CD200R1: variants seen among roughly 807,000 people sequenced by gnomAD.
The protein encoded by CD200R1 is cell surface glycoprotein CD200 receptor 1.
CD200R1 carries 30 observed loss-of-function variants against 38.1 expected under a neutral mutation model. That is an observed-to-expected ratio of 0.79 (90% CI 0.59 to 1.07). The LOEUF (loss-of-function observed/expected upper bound fraction) is 1.07. CD200R1 is among the 50% of genes least tolerant of loss of function. The probability of loss-of-function intolerance (pLI) is 0.00; values close to 1 mark genes in which losing one functional copy is unlikely to be tolerated. For missense variants in CD200R1, 372 were observed against 415.4 expected (o/e 0.90, Z 0.91); for synonymous variants, 128 against 152.1 (o/e 0.84, Z 1.16).
chr3:112,940,353 C>A (rs1167751446), intron 2 of CD200R1, among the ~76,000 whole-genome samples: 1 of 151,568 alleles, frequency 6.6e-6, no homozygotes, highest in Non-Finnish European at 1.5e-5. Flanking sequence ...TTCTGCACAG[C>A]AAAACAATAA....
At chr3:112,947,003 A>G (rs944335042) in intron 2 of CD200R1, among the ~76,000 whole-genome samples, 1 of 152,138 alleles carries the variant, frequency 6.6e-6, no homozygotes, top group Non-Finnish European at 1.5e-5. Context: ...ACTTAAATGC[A>G]TATTATTAAG....
chr3:112,943,582 G>A (rs887021782), intron 2 of CD200R1, among the ~76,000 whole-genome samples: 1 of 151,442 alleles, frequency 6.6e-6, no homozygotes, highest in Non-Finnish European at 1.5e-5. Context: ...GAAAATAGAA[G>A]AGCAAATTAA....
chr3:112,936,502 G>A lies in CD200R1; in HGVS notation c.137-5331C>T, dbSNP rs147184560. Reference sequence around the variant, plus strand: ...CTTTTTAGTAATCACCATTCTGACTGGTGTGAGATAGTATCTCATTGTAGT... The same window carrying A: ...CTTTTTAGTAATCACCATTCTGACTAGTGTGAGATAGTATCTCATTGTAGT... On this transcript the variant is annotated intron_variant, in intron 2 of 7. Coordinates refer to ENST00000308611, the MANE Select transcript of CD200R1 (RefSeq NM_138806.4). Among the ~76,000 whole-genome samples the A allele has an allele frequency of 9.9e-3, 1,505 of 152,258 alleles. 20 individuals are homozygous for A. The highest frequency in any genetic ancestry group is 0.031 in the South Asian group (149 of 4,824).
chr3:112,972,519 A>C (rs1488529581), intron 1 of CD200R1, among the ~76,000 whole-genome samples: 2 of 151,222 alleles, frequency 1.3e-5, no homozygotes, highest in African/African-American at 2.4e-5. Context: ...TTGAACACAC[A>C]CACAAAAATC....
rs1301533253 is a variant in CD200R1, at chr3:112,925,140, T to C, written c.823A>G (p.Ile275Val). ...AATCCCACGATGGTCAAAATAATAA[T>C]AGTAAGGATGATATATGGAATATAT... ...KLYIPYIILT[I>V]IILTIVGFIW... The change falls in exon 6 of 8, where the codon ATT becomes GTT. Residue 275 changes from isoleucine (I) to valine (V), a missense_variant. Ile to Val is a conservative substitution (Grantham distance 29). Transcript: ENST00000308611. The C allele has an allele frequency of 6.2e-7, 1 of 1,608,100 alleles. No homozygotes were observed. The highest frequency in any genetic ancestry group is 8.5e-7 in the Non-Finnish European group (1 of 1,175,422).
rs570097965 is a variant in CD200R1 at position 112,951,747 on chromosome 3, C to T, written c.68-3823G>A. On this transcript the variant is annotated intron_variant, in intron 1 of 7. Coordinates refer to ENST00000308611, the MANE Select transcript of CD200R1 (RefSeq NM_138806.4). Reference sequence around the variant, plus strand: ...TTACATTTTTCTATACTAGCACAAACAATTGGAAAATGAAATTTTAAAAAT... The same window carrying T: ...TTACATTTTTCTATACTAGCACAAATAATTGGAAAATGAAATTTTAAAAAT... Among the ~76,000 whole-genome samples, 32 of 146,396 alleles carry T rather than the reference C, an allele frequency of 2.2e-4. No individual in the cohort carries two copies. The South Asian group carries it at 6.7e-3, about 31-fold the overall frequency.
At chr3:112,949,667 T>C (rs573930161) in intron 1 of CD200R1, among the ~76,000 whole-genome samples, 21 of 152,218 alleles carry the variant, frequency 1.4e-4, no homozygotes, top group African/African-American at 4.8e-4. Flanking sequence ...CTAAGAAATA[T>C]GCTAGGATAG....
intron 1 of CD200R1, among the ~76,000 whole-genome samples, chr3:112,968,828 G>A (rs1933228134): frequency 6.6e-6 from 1 of 152,180 alleles, no homozygotes. Context: ...TGCTGTCCAA[G>A]GGGTAGAGTT....
At chr3:112,950,081 A>G (rs1483489618) in intron 1 of CD200R1, among the ~76,000 whole-genome samples, 1 of 152,250 alleles carries the variant, frequency 6.6e-6, no homozygotes, top group Non-Finnish European at 1.5e-5. Context: ...AATTAAAAGT[A>G]TTTGGAAATA....
At chr3:112,935,512 GT>G (rs1226131387) in intron 2 of CD200R1, among the ~76,000 whole-genome samples, 4 of 152,198 alleles carry the variant, frequency 2.6e-5, no homozygotes, top group Admixed American at 6.5e-5. Flanking sequence ...AAATTAAGAA[GT>G]TTAAGAATTT....
chr3:112,933,521 G>A (rs1011531283), intron 2 of CD200R1, among the ~76,000 whole-genome samples: 4 of 152,218 alleles, frequency 2.6e-5, no homozygotes, highest in African/African-American at 9.6e-5. Context: ...AAAATTAGAA[G>A]AGGCGACAAT....
intron 1 of CD200R1, among the ~76,000 whole-genome samples, chr3:112,949,585 C>T (rs1576143268): frequency 6.6e-6 from 1 of 152,310 alleles, no homozygotes; most frequent in Middle Eastern, 3.4e-3. Context: ...TAGTAAGCTG[C>T]TTCAGTTACC....
chr3:112,956,691 G>A (rs1349327981), intron 1 of CD200R1, among the ~76,000 whole-genome samples: 1 of 152,170 alleles, frequency 6.6e-6, no homozygotes, highest in Non-Finnish European at 1.5e-5. Context: ...GAGATCCTGG[G>A]AAGACCTACT....
intron 2 of CD200R1, among the ~76,000 whole-genome samples, chr3:112,939,662 C>T (rs1025915662): frequency 6.6e-6 from 1 of 151,682 alleles, no homozygotes; most frequent in Non-Finnish European, 1.5e-5. Flanking sequence ...AATAGAAAGA[C>T]ATCCCATATT....
In CD200R1 at chr3:112,923,872, G is replaced by A. The variant is rs1576123514; in HGVS notation, c.925-73C>T. 2.2e-5 allele frequency: 20 copies of A among 926,012 alleles called. No homozygotes were observed. The East Asian group carries it at 5.4e-4, about 25-fold the overall frequency. The allele number at this position is 926,012 out of a possible 1,614,324, so 57.4% of individuals were successfully genotyped here. On this transcript the variant is annotated intron_variant, in intron 7 of 7. Transcript: ENST00000308611. ...GACTATCTGTATTTTTGTAACAGTT[G>A]CCCATAGCTTTAGTATTTCTAACAG...
In CD200R1 at chr3:112,921,624, C is replaced by A. The variant is rs1488989569; in HGVS notation, c.*2053G>T. ...GTCTCAGCCTCTGCTTCCTGGATGA[C>A]CTTGCTGACACGCCAGGTCTAATCT... On this transcript the variant is annotated 3_prime_UTR_variant, in exon 8 of 8. Coordinates refer to ENST00000308611, the MANE Select transcript of CD200R1 (RefSeq NM_138806.4). 3 of 152,000 alleles carry A rather than the reference C, an allele frequency of 2.0e-5. No homozygotes were observed. The highest frequency in any genetic ancestry group is 4.4e-5 in the Non-Finnish European group (3 of 67,980). 9.4% of individuals were successfully genotyped at this position (152,000 alleles called of 1,614,324 possible).
chr3:112,925,079 C>A lies in CD200R1; in HGVS notation c.878+6G>T. 1 of 1,510,934 alleles carries A rather than the reference C, an allele frequency of 6.6e-7. No homozygotes were observed. Among genetic ancestry groups the A allele is most frequent in the South Asian group, 1.1e-5 (1 of 88,238 alleles). The allele number at this position is 1,510,934 out of a possible 1,614,324, so 93.6% of individuals were successfully genotyped here. ...GAAGAAGAAAAAAACATTCATTAGT[C>A]AATACCTGCAGCCATTGACTTTCAA... On this transcript the variant is annotated splice_donor_region_variant and intron_variant, in intron 6 of 7. Transcript: ENST00000308611.
At chr3:112,970,957 C>T (rs1184111609) in intron 1 of CD200R1, among the ~76,000 whole-genome samples, 2 of 152,150 alleles carry the variant, frequency 1.3e-5, no homozygotes, top group East Asian at 3.9e-4. Context: ...GTTCTTAGAG[C>T]CCAAATCCAA....
At chr3:112,926,621 C>G (rs1268899925) in intron 5 of CD200R1, among the ~76,000 whole-genome samples, 1 of 152,050 alleles carries the variant, frequency 6.6e-6, no homozygotes, top group Non-Finnish European at 1.5e-5. Context: ...TCACACATAA[C>G]CAAGGCACAA....
Sources: gnomAD v4.1 joint callset for allele counts (sites outside exome capture counted in the v4.1 genomes callset) on GRCh38, gnomAD v4.1.1 for gene constraint, MANE v1.5 for transcripts, NCBI Gene and HGNC (gene_info 2026-07-23, HGNC 2026-07-21) for gene names.